Variants in RMDN2 observed in about 807,000 individuals in gnomAD.
RMDN2 encodes the protein regulator of microtubule dynamics 2.
A neutral mutation model predicts 52.8 loss-of-function variants in RMDN2; 61 were observed. The ratio of observed to expected loss-of-function variants is 1.16; its 90% CI spans 0.94 to 1.43. The LOEUF is 1.43. Among genes scored for constraint, RMDN2 ranks in the 40% most tolerant of loss-of-function variants. The pLI is 0.00. For synonymous variants in RMDN2, 180 were observed against 153.1 expected (o/e 1.18, Z -1.30); for missense variants, 592 against 475.3 (o/e 1.25, Z -2.28).
At chr2:37,940,368 T>C (rs541002633) in intron 2 of RMDN2, among the ~76,000 whole-genome samples, 1 of 152,274 alleles carries the variant, frequency 6.6e-6, no homozygotes, top group African/African-American at 2.4e-5. Context: ...TTTTGGGGTT[T>C]CCCTTCTCGA....
chr2:37,978,777 C>CAGATAGATAGATAGATAGATAGATAGAT (rs1213724373), intron 4 of RMDN2, among the ~76,000 whole-genome samples: 2 of 148,750 alleles, frequency 1.3e-5, no homozygotes, highest in Non-Finnish European at 3.0e-5. Flanking sequence ...GACCCTTTCT[C>CAGATAGATAGATAGATAGATAGATAGAT]AGATAGATAG....
chr2:38,024,889 T>C (rs1405874210), intron 10 of RMDN2, among the ~76,000 whole-genome samples: 1 of 152,170 alleles, frequency 6.6e-6, no homozygotes, highest in Non-Finnish European at 1.5e-5. Context: ...TCCATTGATC[T>C]ATTTATTGAT....
intron 2 of RMDN2, among the ~76,000 whole-genome samples, chr2:37,971,778 G>A (rs140708946): frequency 1.3e-5 from 2 of 152,228 alleles, no homozygotes; most frequent in Non-Finnish European, 2.9e-5. Context: ...AAAATCTGGT[G>A]GGGTAAGTCT....
At chr2:38,051,052 CTAGT>C (rs369711333) in intron 10 of RMDN2, among the ~76,000 whole-genome samples, 2 of 152,274 alleles carry the variant, frequency 1.3e-5, no homozygotes, top group East Asian at 3.9e-4. Context: ...GTAACATGGC[CTAGT>C]GGGGCTGGCT....
chr2:37,929,174 G>C, intron 1 of RMDN2, 88 bp from the exon 2 acceptor site: 1 of 735,234 alleles, frequency 1.4e-6, no homozygotes, highest in South Asian at 2.0e-5. Flanking sequence ...ATGTAAACTT[G>C]GCTTTTGTTG....
intron 8 of RMDN2, among the ~76,000 whole-genome samples, chr2:37,999,853 C>G (rs759223993): frequency 2.6e-5 from 4 of 152,160 alleles, no homozygotes; most frequent in Non-Finnish European, 5.9e-5. Flanking sequence ...TTGGAGTTGA[C>G]AAGTGAAGTT....
intron 2 of RMDN2, among the ~76,000 whole-genome samples, chr2:37,942,522 A>G (rs1667882291): frequency 6.6e-6 from 1 of 152,206 alleles, no homozygotes; most frequent in Non-Finnish European, 1.5e-5. Context: ...CTTAAAGTGT[A>G]CCAAGTTACC....
chr2:37,925,563 C>A (rs1460148370), intron 1 of RMDN2, 138 bp downstream of exon 1: 1 of 152,418 alleles, frequency 6.6e-6, no homozygotes, highest in East Asian at 1.9e-4. Context: ...AAGCTTGAGC[C>A]TGCTAGCCAG....
chr2:38,032,446 A>G (rs1385741450), intron 10 of RMDN2, among the ~76,000 whole-genome samples: 1 of 152,228 alleles, frequency 6.6e-6, no homozygotes, highest in African/African-American at 2.4e-5. Flanking sequence ...TTTGTTGCTC[A>G]GTAGTATTGC....
At chr2:38,060,302 T>C (rs1382134580) in intron 10 of RMDN2, among the ~76,000 whole-genome samples, 2 of 152,040 alleles carry the variant, frequency 1.3e-5, no homozygotes, top group African/African-American at 4.8e-5. Context: ...CTCTTGAAGT[T>C]AGAAATCAAA....
chr2:37,937,141 A>G (rs1230678456), intron 2 of RMDN2, among the ~76,000 whole-genome samples: 1 of 152,054 alleles, frequency 6.6e-6, no homozygotes, highest in Admixed American at 6.5e-5. Flanking sequence ...AGTTTTCCCA[A>G]CACCATTTAT....
At chr2:37,926,068 C>T (rs1256236580) in intron 1 of RMDN2, among the ~76,000 whole-genome samples, 1 of 152,058 alleles carries the variant, frequency 6.6e-6, no homozygotes, top group Non-Finnish European at 1.5e-5. Flanking sequence ...ATCACTAGTT[C>T]AAGGTCTCAG....
chr2:37,951,907 T>C lies in RMDN2; in HGVS notation c.453-22133T>C, dbSNP rs756970764. On this transcript the variant is annotated intron_variant, in intron 2 of 10. Transcript: ENST00000354545. ...TCCTCTCCCGATCAACAAAATGGAA[T>C]TGCCAATGATATTCAACAAAGGGGC... is the stretch of plus-strand genomic sequence containing the variant. The C allele has an allele frequency of 6.8e-6, 11 of 1,613,176 alleles. No homozygotes were observed. In the East Asian group the frequency reaches 2.2e-4, roughly 33 times the overall value.
At chr2:37,952,424 G>A (rs1668952100) in intron 2 of RMDN2, 2 of 491,408 alleles carry the variant, frequency 4.1e-6, no homozygotes, top group Admixed American at 3.6e-5. Flanking sequence ...AGATGATTTT[G>A]TTTCAAGCTT....
In RMDN2 at chr2:37,974,887, G is replaced by C. The variant is rs78871986; in HGVS notation, c.628-325G>C. Reference sequence around the variant, plus strand: ...TATTGATAATAGATAACTTGGAAAGGAAAAGAAGAAAAGGATGCCACAGCT... The same window carrying C: ...TATTGATAATAGATAACTTGGAAAGCAAAAGAAGAAAAGGATGCCACAGCT... On this transcript the variant is annotated intron_variant, in intron 3 of 10. Coordinates refer to ENST00000354545, the MANE Select transcript of RMDN2 (RefSeq NM_001170791.3). The C allele has an allele frequency of 8.7e-4, 213 of 245,012 alleles. 3 individuals carry two copies. The East Asian group carries it at 0.023, about 26-fold the overall frequency. 15.2% of individuals were successfully genotyped at this position (245,012 alleles called of 1,614,324 possible).
At chr2:38,026,614 T>C (rs751228981) in intron 10 of RMDN2, among the ~76,000 whole-genome samples, 3 of 152,162 alleles carry the variant, frequency 2.0e-5, no homozygotes, top group Non-Finnish European at 4.4e-5. Flanking sequence ...TTCTTTTTTT[T>C]AATTATACTT....
chr2:38,016,558 G>T (rs904722517), intron 10 of RMDN2, among the ~76,000 whole-genome samples: 2 of 152,188 alleles, frequency 1.3e-5, no homozygotes, highest in Admixed American at 6.5e-5. Flanking sequence ...TTCATTTAAT[G>T]ATCTCACCTT....
downstream of RMDN2, among the ~76,000 whole-genome samples, chr2:38,017,956 G>A (rs578170109): frequency 7.3e-5 from 11 of 150,130 alleles, no homozygotes; most frequent in South Asian, 1.7e-3. Flanking sequence ...GGGTAACAAG[G>A]TGCTCATTGC....
At chr2:38,008,802 A>G (rs1677501222) in intron 10 of RMDN2, among the ~76,000 whole-genome samples, 1 of 152,096 alleles carries the variant, frequency 6.6e-6, no homozygotes, top group Admixed American at 6.5e-5. Flanking sequence ...CCTAGCCTCG[A>G]TGGTCTTTAC....
Sources: allele counts gnomAD v4.1 joint callset (sites outside exome capture counted in the v4.1 genomes callset), GRCh38; gene constraint gnomAD v4.1.1; transcripts MANE v1.5; gene names NCBI Gene and HGNC (gene_info 2026-07-23, HGNC 2026-07-21).